FBXL7: variants seen among roughly 807,000 people sequenced by gnomAD.
FBXL7 encodes F-box/LRR-repeat protein 7.
Under a neutral mutation model 38.3 loss-of-function variants are expected in FBXL7, and 12 were observed. The observed-to-expected ratio is 0.31, with a 90% confidence interval of 0.20 to 0.51. The LOEUF is 0.51. FBXL7 is among the 20% of genes least tolerant of loss of function. The pLI, the probability that FBXL7 is intolerant of heterozygous loss-of-function variation, is 0.98. For synonymous variants in FBXL7, 297 were observed against 300.9 expected, an observed-to-expected ratio of 0.99 and a Z score of 0.13; for missense variants, 567 against 676.4, an observed-to-expected ratio of 0.84 and a Z score of 1.79.
chr5:15,523,656 G>C (rs1176641497), intron 1 of FBXL7, among the ~76,000 whole-genome samples: 2 of 152,146 alleles, frequency 1.3e-5, no homozygotes, highest in Non-Finnish European at 2.9e-5. Flanking sequence ...GGCTGCTTCT[G>C]TCTTCTTGGC....
chr5:15,606,291 G>A (rs199920357), intron 1 of FBXL7, among the ~76,000 whole-genome samples: 21 of 150,624 alleles, frequency 1.4e-4, no homozygotes, highest in African/African-American at 5.1e-4. Flanking sequence ...ATGCGCACGT[G>A]CACACACACA....
Position 15,937,318 on chromosome 5 carries a change from C to T in FBXL7, c.*132C>T. 1.7e-6 allele frequency: 2 copies of T among 1,164,134 alleles called. No homozygotes were observed. Among genetic ancestry groups the T allele is most frequent in the Non-Finnish European group, 1.2e-6 (1 of 856,920 alleles). The allele number at this position is 1,164,134 out of a possible 1,614,324, so 72.1% of individuals were successfully genotyped here. A position where few individuals can be genotyped will look rare whatever the true frequency, so the allele number is the denominator to read the frequency against. ...TCCGGGAAGGTTATTAGGAATCTGG[C>T]CTTTATTTTTCCTCATTTCTCATGG... On this transcript the variant is annotated 3_prime_UTR_variant, in exon 4 of 4. Coordinates refer to ENST00000504595, the MANE Select transcript of FBXL7 (RefSeq NM_012304.5).
intron 1 of FBXL7, among the ~76,000 whole-genome samples, chr5:15,567,888 T>C (rs1017123954): frequency 3.3e-5 from 5 of 152,120 alleles, no homozygotes; most frequent in Non-Finnish European, 5.9e-5. Context: ...GGAATGATGG[T>C]TTCCAGCTTC....
intron 2 of FBXL7, among the ~76,000 whole-genome samples, chr5:15,703,354 A>C (rs1229320345): frequency 6.6e-6 from 1 of 152,246 alleles, no homozygotes; most frequent in Admixed American, 6.5e-5. Flanking sequence ...ATGAATTTCC[A>C]AAAATTTACT....
At chr5:15,505,221 A>G (rs937489587) in intron 1 of FBXL7, among the ~76,000 whole-genome samples, 1 of 152,206 alleles carries the variant, frequency 6.6e-6, no homozygotes, top group African/African-American at 2.4e-5. Context: ...AGGACTTGCC[A>G]TGCAGCGACC....
intron 1 of FBXL7, among the ~76,000 whole-genome samples, chr5:15,519,122 T>A (rs1477795136): frequency 6.6e-6 from 1 of 152,002 alleles, no homozygotes; most frequent in African/African-American, 2.4e-5. Flanking sequence ...GGCGGGCGGA[T>A]CACCTGAGGT....
chr5:15,518,193 G>A (rs919755849), intron 1 of FBXL7, among the ~76,000 whole-genome samples: 1 of 152,052 alleles, frequency 6.6e-6, no homozygotes, highest in African/African-American at 2.4e-5. Flanking sequence ...GTTTCACCAT[G>A]TTGGCCAGGC....
chr5:15,677,195 C>T (rs1041288791), intron 2 of FBXL7, among the ~76,000 whole-genome samples: 11 of 152,128 alleles, frequency 7.2e-5, no homozygotes, highest in East Asian at 1.9e-4. Context: ...CTAGGCTGGG[C>T]GCAGTGGCTC....
chr5:15,668,222 A>G (rs1195232425), intron 2 of FBXL7, among the ~76,000 whole-genome samples: 1 of 152,162 alleles, frequency 6.6e-6, no homozygotes, highest in Non-Finnish European at 1.5e-5. Context: ...ATCCCTGACT[A>G]CATTGAACTG....
At chr5:15,534,984 T>G (rs1737537880) in intron 1 of FBXL7, among the ~76,000 whole-genome samples, 1 of 152,238 alleles carries the variant, frequency 6.6e-6, no homozygotes, top group Non-Finnish European at 1.5e-5. Context: ...TCACTCATGC[T>G]GTTTTCCTAA....
intron 2 of FBXL7, among the ~76,000 whole-genome samples, chr5:15,877,894 G>A (rs140581161): frequency 2.0e-5 from 3 of 152,144 alleles, no homozygotes; most frequent in African/African-American, 2.4e-5. Flanking sequence ...ACACTTGTTC[G>A]TGTTCATCTC....
chr5:15,848,354 GT>G (rs1738983983), intron 2 of FBXL7, among the ~76,000 whole-genome samples: 1 of 151,908 alleles, frequency 6.6e-6, no homozygotes, highest in African/African-American at 2.4e-5. Flanking sequence ...AGCTTAAACA[GT>G]TTTCCGAGTG....
chr5:15,811,675 A>G (rs1737864663), intron 2 of FBXL7, among the ~76,000 whole-genome samples: 1 of 152,170 alleles, frequency 6.6e-6, no homozygotes, highest in Non-Finnish European at 1.5e-5. Flanking sequence ...AAAGTGGGCA[A>G]AGGACATGAG....
chr5:15,508,699 T>C (rs993466912), intron 1 of FBXL7, among the ~76,000 whole-genome samples: 8 of 152,208 alleles, frequency 5.3e-5, no homozygotes, highest in Non-Finnish European at 4.4e-5. Flanking sequence ...GCTGCTACTT[T>C]TTCTCTTTAG....
chr5:15,812,099 A>C (rs912045048), intron 2 of FBXL7, among the ~76,000 whole-genome samples: 1 of 152,222 alleles, frequency 6.6e-6, no homozygotes, highest in Admixed American at 6.5e-5. Context: ...AATGCCTATC[A>C]ATGATACATT....
rs538771082 is a variant in FBXL7 at position 15,685,983 on chromosome 5, G to C, written c.127+69911G>C. 2.6e-5 allele frequency among the ~76,000 whole-genome samples: 4 copies of C among 152,234 alleles called. 1 individual carries two copies. Among genetic ancestry groups the C allele is most frequent in the African/African-American group, 7.2e-5 (3 of 41,562 alleles). ...CACAAACATAGAACAACAGTCCCGG[G>C]GGGAGACAAGCTCCAGTAAGGCCCT... is the stretch of plus-strand genomic sequence containing the variant. On this transcript the variant is annotated intron_variant, in intron 2 of 3. Coordinates refer to ENST00000504595, the MANE Select transcript of FBXL7 (RefSeq NM_012304.5).
intron 1 of FBXL7, among the ~76,000 whole-genome samples, chr5:15,535,182 T>C (rs1022343263): frequency 6.6e-6 from 1 of 152,186 alleles, no homozygotes; most frequent in Non-Finnish European, 1.5e-5. Flanking sequence ...CCTCTTTTGT[T>C]TATAAACTAT....
rs558736391 is a variant in FBXL7, at chr5:15,687,507, GGAGAA to G, written c.127+71442_127+71446del. 3.2e-4 allele frequency among the ~76,000 whole-genome samples: 48 copies of G among 152,298 alleles called. No homozygotes were observed. In the South Asian group the frequency reaches 6.8e-3, roughly 22 times the overall value. On this transcript the variant is annotated intron_variant, in intron 2 of 3. Transcript: ENST00000504595. ...AATTCGAAATGCAGTTAGTGCTCTG[GGAGAA>G]GAGAAGTGGATAATGATCATTTCAT...
Position 15,937,548 on chromosome 5 carries a change from C to G in FBXL7, c.*362C>G, listed in dbSNP as rs1251300820. On this transcript the variant is annotated 3_prime_UTR_variant, in exon 4 of 4. Coordinates refer to ENST00000504595, the MANE Select transcript of FBXL7 (RefSeq NM_012304.5). ...AGGCCCCACCCCCACAGTTCCACGC[C>G]CCCCCCCCAAGGCCACACCCTCCCT... is the stretch of plus-strand genomic sequence containing the variant. 3.6e-5 allele frequency: 6 copies of G among 167,208 alleles called. No individual in the cohort carries two copies. Among genetic ancestry groups the G allele is most frequent in the Admixed American group, 6.5e-5 (1 of 15,494 alleles). The allele number at this position is 167,208 out of a possible 1,614,324, so 10.4% of individuals were successfully genotyped here.
Sources: allele counts gnomAD v4.1 joint callset (sites outside exome capture counted in the v4.1 genomes callset), GRCh38; gene constraint gnomAD v4.1.1; transcripts MANE v1.5; gene names NCBI Gene and HGNC (gene_info 2026-07-23, HGNC 2026-07-21).